Variants in RIPOR3 observed in about 807,000 individuals in gnomAD.
RIPOR3 encodes the protein family with sequence similarity 65 member C.
Under a neutral mutation model 114.3 loss-of-function variants are expected in RIPOR3, and 95 were observed. That is an observed-to-expected ratio of 0.83 (90% confidence interval 0.70 to 0.99). RIPOR3 has a LOEUF of 0.99. Among genes scored for constraint, RIPOR3 ranks in the 50% least tolerant of loss-of-function variants. RIPOR3 has a pLI of 0.00. For synonymous variants in RIPOR3, 575 were observed against 543.8 expected, an observed-to-expected ratio of 1.06 and a Z score of -0.80; for missense variants, 1,252 against 1,266.9, an observed-to-expected ratio of 0.99 and a Z score of 0.18.
At chr20:50,650,872 A>G (rs2085578013) in intron 1 of RIPOR3, among the ~76,000 whole-genome samples, 1 of 152,174 alleles carries the variant, frequency 6.6e-6, no homozygotes, top group African/African-American at 2.4e-5. Flanking sequence ...ACCTGTGAAT[A>G]TTATGATCTG....
At chr20:50,686,381 G>C (rs904165133) in intron 1 of RIPOR3, among the ~76,000 whole-genome samples, 1 of 152,044 alleles carries the variant, frequency 6.6e-6, no homozygotes, top group African/African-American at 2.4e-5. Context: ...TAACAGGGGT[G>C]GCCCAGGGTG....
intron 1 of RIPOR3, among the ~76,000 whole-genome samples, chr20:50,634,525 G>C (rs1054916469): frequency 6.6e-6 from 1 of 152,106 alleles, no homozygotes; most frequent in East Asian, 1.9e-4. Context: ...TAGACAGGGA[G>C]CTCCCTGCAG....
rs1255048321 is a variant in RIPOR3 at position 50,608,956 on chromosome 20, C to G, written c.641-1G>C. The G allele has an allele frequency of 1.9e-6, 3 of 1,579,842 alleles. No homozygotes were observed. The African/African-American group carries it at 4.0e-5, about 21-fold the overall frequency. On this transcript the variant is annotated splice_acceptor_variant, in intron 8 of 21. Transcript: ENST00000327979. LOFTEE classifies it high-confidence loss of function. Reference sequence around the variant, plus strand: ...CAGAGGCGTGCGTAGCCCACCAAGCCTGGAACACAGACATGGCCGGTCTCC... The same window carrying G: ...CAGAGGCGTGCGTAGCCCACCAAGCGTGGAACACAGACATGGCCGGTCTCC...
intron 19 of RIPOR3, among the ~76,000 whole-genome samples, chr20:50,590,523 G>A (rs1395672967): frequency 2.6e-5 from 4 of 152,218 alleles, no homozygotes; most frequent in Non-Finnish European, 5.9e-5. Context: ...AAAGAGAATG[G>A]CCGCCTTTCC....
At chr20:50,666,183 A>ATTTCTTTTTTCTTTTCTTTTCTTTTC (rs534286175) in intron 1 of RIPOR3, among the ~76,000 whole-genome samples, 1 of 43,734 alleles carries the variant, frequency 2.3e-5, no homozygotes, top group Non-Finnish European at 6.1e-5. Context: ...AAGGACACCC[A>ATTTCTTTTTTCTTTTCTTTTCTTTTC]TTTCTTTTCT....
intron 13 of RIPOR3, among the ~76,000 whole-genome samples, chr20:50,601,699 G>T (rs1416726651): frequency 6.6e-6 from 1 of 152,132 alleles, no homozygotes; most frequent in Non-Finnish European, 1.5e-5. Flanking sequence ...CGTGGATGAG[G>T]CAAACAGGGA....
intron 1 of RIPOR3, among the ~76,000 whole-genome samples, chr20:50,671,805 T>C (rs954885965): frequency 1.3e-5 from 2 of 151,094 alleles, no homozygotes; most frequent in Non-Finnish European, 2.9e-5. Flanking sequence ...GATGGATGGA[T>C]GGATAGATGG....
At position 50,608,908 on chromosome 20, in the gene RIPOR3, G is replaced by A. The variant is rs369211155; in HGVS notation, c.684+4C>T. 19 of 1,595,734 alleles carry A rather than the reference G, an allele frequency of 1.2e-5. No homozygotes were observed. Among genetic ancestry groups the A allele is most frequent in the Admixed American group, 3.6e-5 (2 of 55,714 alleles). ...TGAGGATTGACCCCAGAGAGTGGCC[G>A]TACCTCATAGTGGTCTCCGGGACAG... On this transcript the variant is annotated splice_donor_region_variant and intron_variant, in intron 9 of 21. Coordinates refer to ENST00000327979, the MANE Select transcript of RIPOR3 (RefSeq NM_001290268.2).
At position 50,597,619 on chromosome 20, in the gene RIPOR3, A is replaced by C. The variant is rs6020624; in HGVS notation, c.1751T>G (p.Leu584Arg). The stretch of plus-strand genomic sequence containing the variant: ...GCCCCCAAACAGGGACAGCTCATCC[A>C]GGGCGAAGTCGGCATTGAGGAAGGC... Reference protein sequence around the residue: ...SFAFLNADFALDELSLFGGSQ... With the variant: ...SFAFLNADFARDELSLFGGSQ... Residue 584 changes from leucine (L) to arginine (R), a missense_variant, in exon 14 of 22, where the codon CTG (leucine) becomes CGG (arginine). By Grantham distance (102) the Leu-to-Arg change is moderately radical. Transcript: ENST00000327979. 1 of 1,610,166 alleles carries C rather than the reference A, an allele frequency of 6.2e-7. No individual in the cohort carries two copies. The highest frequency in any genetic ancestry group is 8.5e-7 in the Non-Finnish European group (1 of 1,178,172).
intron 14 of RIPOR3, 63 bp downstream of exon 14, chr20:50,597,517 G>A (rs1407573720): frequency 1.9e-6 from 3 of 1,553,466 alleles, no homozygotes; most frequent in East Asian, 4.8e-5. Flanking sequence ...AGGAAACGTG[G>A]AGCTCGGGTC....
intron 1 of RIPOR3, among the ~76,000 whole-genome samples, chr20:50,670,158 C>CAAAAA (rs34360499): frequency 3.1e-4 from 15 of 49,110 alleles, no homozygotes; most frequent in East Asian, 1.4e-3. Flanking sequence ...AACTCCATCT[C>CAAAAA]AAAAAAAAAA....
In RIPOR3 at chr20:50,587,805, A is replaced by G. The variant is rs1291399315; in HGVS notation, c.2749T>C (p.Phe917Leu). 1 of 1,614,112 alleles carries G rather than the reference A, an allele frequency of 6.2e-7. No homozygotes were observed. Among genetic ancestry groups the G allele is most frequent in the East Asian group, 2.2e-5 (1 of 44,886 alleles). ...RAAARETTLS[F>L]GEKGRLAFEK... is the part of the protein sequence containing the mutation. The stretch of plus-strand genomic sequence containing the variant: ...CACAGTTTGTGCCACTTTTTACCGA[A>G]CGACAGTGTGGTTTCCCGGGCTGCC... The change falls in exon 21 of 22, where the codon TTC (phenylalanine) becomes CTC (leucine). Residue 917 changes from phenylalanine (F) to leucine (L), a missense_variant. Transcript: ENST00000327979.
At chr20:50,659,647 C>CAAA (rs558386174) in intron 1 of RIPOR3, among the ~76,000 whole-genome samples, 2,019 of 78,022 alleles carry the variant, frequency 0.026, 70 homozygotes, top group African/African-American at 0.085. Context: ...AACTCCGTCT[C>CAAA]AAAAAAAAAA....
chr20:50,670,509 T>A (rs2086438778), intron 1 of RIPOR3, among the ~76,000 whole-genome samples: 1 of 152,108 alleles, frequency 6.6e-6, no homozygotes, highest in African/African-American at 2.4e-5. Flanking sequence ...GCCCTATGAG[T>A]AGGCTTTGTG....
chr20:50,607,530 C>G (rs1007849826), intron 11 of RIPOR3, among the ~76,000 whole-genome samples: 14 of 152,314 alleles, frequency 9.2e-5, no homozygotes, highest in Admixed American at 3.3e-4. Flanking sequence ...CAAGTGCCCA[C>G]TTCTCTGCCC....
rs1347508767 is a variant in RIPOR3 at position 50,609,076 on chromosome 20, G to C, written c.641-121C>G. The C allele has an allele frequency of 4.3e-6, 6 of 1,389,348 alleles. No individual in the cohort carries two copies. In the South Asian group the frequency reaches 6.4e-5, roughly 15 times the overall value. 86.1% of individuals were successfully genotyped at this position (1,389,348 alleles called of 1,614,324 possible). A position where few individuals can be genotyped will look rare whatever the true frequency, so the allele number is the denominator to read the frequency against. On this transcript the variant is annotated intron_variant, in intron 8 of 21. Transcript: ENST00000327979. ...CAGTTTCAGTGGGGTGAGGATGGGG[G>C]GGAGGTACACCATCATGATGGAAAA...
At chr20:50,684,466 C>A (rs2086952520) in intron 1 of RIPOR3, among the ~76,000 whole-genome samples, 1 of 152,224 alleles carries the variant, frequency 6.6e-6, no homozygotes, top group Non-Finnish European at 1.5e-5. Flanking sequence ...CTGGGCCCTG[C>A]AGGCCTTGTG....
intron 3 of RIPOR3, among the ~76,000 whole-genome samples, chr20:50,617,992 G>A (rs974184898): frequency 6.6e-6 from 1 of 152,094 alleles, no homozygotes; most frequent in Non-Finnish European, 1.5e-5. Flanking sequence ...GGGGCTGGGC[G>A]TGGTGGCTTA....
At chr20:50,663,303 C>G (rs536714298) in intron 1 of RIPOR3, among the ~76,000 whole-genome samples, 1 of 152,204 alleles carries the variant, frequency 6.6e-6, no homozygotes, top group Non-Finnish European at 1.5e-5. Flanking sequence ...CCCAGACCTA[C>G]TGCTGGCTAC....
Sources: allele counts gnomAD v4.1 joint callset (sites outside exome capture counted in the v4.1 genomes callset), GRCh38; gene constraint gnomAD v4.1.1; transcripts MANE v1.5; gene names NCBI Gene and HGNC (gene_info 2026-07-23, HGNC 2026-07-21).